MTUS2: variants seen among roughly 807,000 people sequenced by gnomAD.
The protein encoded by MTUS2 is microtubule associated scaffold protein 2.
A neutral mutation model predicts 114.1 loss-of-function variants in MTUS2; 40 were observed. The ratio of observed to expected loss-of-function variants is 0.35; its 90% confidence interval spans 0.27 to 0.46. MTUS2 has a LOEUF of 0.46. Ranked by LOEUF, MTUS2 falls within the 20% of genes least tolerant of loss-of-function variation. MTUS2 has a pLI of 1.00. For missense variants in MTUS2, 1,679 were observed against 1,705.4 expected (o/e 0.98, Z 0.27); for synonymous variants, 688 against 672.0 (o/e 1.02, Z -0.37).
At chr13:28,823,933 G>A (rs1457085957) in intron 1 of MTUS2, among the ~76,000 whole-genome samples, 1 of 152,156 alleles carries the variant, frequency 6.6e-6, no homozygotes, top group East Asian at 1.9e-4. Context: ...GATTTCATGA[G>A]AACTTACTGT....
intron 2 of MTUS2, among the ~76,000 whole-genome samples, chr13:28,900,093 G>A (rs745783657): frequency 3.3e-5 from 5 of 152,082 alleles, no homozygotes; most frequent in African/African-American, 4.8e-5. Context: ...TCACCATGTC[G>A]GCCAGGTTGG....
At chr13:29,057,897 A>G (rs554654718) in intron 4 of MTUS2, among the ~76,000 whole-genome samples, 4 of 152,134 alleles carry the variant, frequency 2.6e-5, no homozygotes, top group South Asian at 2.1e-4. Flanking sequence ...TATATTGTCA[A>G]TGGTCTATGT....
intron 4 of MTUS2, among the ~76,000 whole-genome samples, chr13:29,088,807 G>A (rs1017666063): frequency 3.3e-5 from 5 of 151,892 alleles, no homozygotes; most frequent in Admixed American, 2.6e-4. Flanking sequence ...TTTGTTTTCT[G>A]TTTGTTTCAT....
chr13:29,061,729 T>C (rs1279149580), intron 4 of MTUS2, among the ~76,000 whole-genome samples: 2 of 152,222 alleles, frequency 1.3e-5, no homozygotes, highest in African/African-American at 4.8e-5. Flanking sequence ...TTGTTTTCCT[T>C]CCCTGAGGAT....
chr13:29,126,558 G>T (rs1044648158), intron 5 of MTUS2, among the ~76,000 whole-genome samples: 11 of 152,240 alleles, frequency 7.2e-5, no homozygotes, highest in South Asian at 2.1e-4. Context: ...GCTCCATGCA[G>T]CCCAGGATGG....
At chr13:29,494,450 T>C (rs1429016099) in intron 12 of MTUS2, among the ~76,000 whole-genome samples, 1 of 152,154 alleles carries the variant, frequency 6.6e-6, no homozygotes, top group Non-Finnish European at 1.5e-5. Context: ...ATCCATCCTA[T>C]GTTGTAATTG....
At chr13:29,001,362 T>C (rs1318626937) in intron 2 of MTUS2, among the ~76,000 whole-genome samples, 1 of 151,658 alleles carries the variant, frequency 6.6e-6, no homozygotes, top group African/African-American at 2.4e-5. Flanking sequence ...GCTATGGAGG[T>C]TGGGAGAAGT....
intron 2 of MTUS2, among the ~76,000 whole-genome samples, chr13:28,924,053 G>A (rs1881195094): frequency 6.6e-6 from 1 of 152,142 alleles, no homozygotes. Flanking sequence ...TGGCTCATAT[G>A]TATTGTCAGT....
chr13:29,122,907 T>C (rs1355261144), intron 5 of MTUS2, among the ~76,000 whole-genome samples: 1 of 152,256 alleles, frequency 6.6e-6, no homozygotes, highest in Non-Finnish European at 1.5e-5. Context: ...TTTTAAAATG[T>C]AGCTTTTGTG....
chr13:28,990,472 G>A (rs1252424999), intron 2 of MTUS2, among the ~76,000 whole-genome samples: 2 of 151,902 alleles, frequency 1.3e-5, no homozygotes, highest in African/African-American at 4.8e-5. Context: ...CCAATCATCA[G>A]TCTGTGTCTA....
At chr13:29,428,920 C>T (rs1161374909) in intron 8 of MTUS2, 3 of 1,609,864 alleles carry the variant, frequency 1.9e-6, no homozygotes, top group Non-Finnish European at 2.6e-6. Context: ...CCTCTCTCTT[C>T]TTCCCCCTCC....
At chr13:28,912,888 ATACTT>A (rs1251281561) in intron 2 of MTUS2, among the ~76,000 whole-genome samples, 1 of 152,084 alleles carries the variant, frequency 6.6e-6, no homozygotes, top group Admixed American at 6.6e-5. Flanking sequence ...TGTTATTATT[ATACTT>A]TAAGTTTTAG....
In MTUS2 at chr13:29,472,142, A is replaced by G. The variant is rs146632388; in HGVS notation, c.3185-8008A>G. On this transcript the variant is annotated intron_variant, in intron 9 of 15. Transcript: ENST00000612955. Reference sequence around the variant, plus strand: ...CGAGTTCAAGCGATTCTCCTGCCTCAGCCTCCCAAGTATCTGGGATTACAG... The same window carrying G: ...CGAGTTCAAGCGATTCTCCTGCCTCGGCCTCCCAAGTATCTGGGATTACAG... Among the ~76,000 whole-genome samples, 21 of 152,254 alleles carry G rather than the reference A, an allele frequency of 1.4e-4. 1 individual carries two copies. The East Asian group carries it at 4.1e-3, about 29-fold the overall frequency.
At chr13:29,251,761 G>A (rs886663042) in intron 5 of MTUS2, among the ~76,000 whole-genome samples, 2 of 152,302 alleles carry the variant, frequency 1.3e-5, no homozygotes, top group African/African-American at 4.8e-5. Context: ...GCATATGTCA[G>A]AATTTCCTTC....
At position 29,439,973 on chromosome 13, in the gene MTUS2, G is replaced by C; in HGVS notation, c.3118-10G>C. On this transcript the variant is annotated splice_polypyrimidine_tract_variant and intron_variant, in intron 8 of 15. Coordinates refer to ENST00000612955, the MANE Select transcript of MTUS2 (RefSeq NM_001033602.4). ...TAGGGGACTCTCGGTATCCGTTTTT[G>C]TTTTTTCAGAATGAAAGTGCCCTTG... 6.4e-7 allele frequency: 1 copy of C among 1,574,298 alleles called. No homozygotes were observed. The highest frequency in any genetic ancestry group is 8.6e-7 in the Non-Finnish European group (1 of 1,157,630).
chr13:28,954,568 T>A (rs1411393612), intron 2 of MTUS2, among the ~76,000 whole-genome samples: 2 of 152,052 alleles, frequency 1.3e-5, no homozygotes, highest in Non-Finnish European at 2.9e-5. Context: ...GGAGTGGGTG[T>A]GGGCAGTGCT....
chr13:29,214,289 G>A (rs1308893597), intron 5 of MTUS2, among the ~76,000 whole-genome samples: 6 of 151,838 alleles, frequency 4.0e-5, no homozygotes, highest in South Asian at 4.2e-4. Context: ...ACAGCACACC[G>A]ATGGGTCTTG....
At position 29,016,343 on chromosome 13, in the gene MTUS2, T is replaced by G. The variant is rs548165338; in HGVS notation, c.-242-8114T>G. Among the ~76,000 whole-genome samples the G allele has an allele frequency of 1.3e-4, 20 of 151,038 alleles. 1 individual carries two copies. The highest frequency in any genetic ancestry group is 4.8e-4 in the African/African-American group (20 of 41,250). On this transcript the variant is annotated intron_variant, in intron 2 of 15. Transcript: ENST00000612955. ...TTATTTTCTGGGTGGAATTCTCCCC[T>G]GGAAAGGACTTTTTTTTTTTTTTAA...
intron 8 of MTUS2, among the ~76,000 whole-genome samples, chr13:29,366,138 G>A (rs1244848003): frequency 1.3e-5 from 2 of 152,196 alleles, no homozygotes; most frequent in Admixed American, 1.3e-4. Flanking sequence ...TTTTCATACT[G>A]CTGACAAAGA....
Sources: allele counts gnomAD v4.1 joint callset (sites outside exome capture counted in the v4.1 genomes callset), GRCh38; gene constraint gnomAD v4.1.1; transcripts MANE v1.5; gene names NCBI Gene and HGNC (gene_info 2026-07-23, HGNC 2026-07-21).